NRG1: variants seen among roughly 807,000 people sequenced by gnomAD.
NRG1 encodes the protein neuregulin 1.
A neutral mutation model predicts 63.8 loss-of-function variants in NRG1; 18 were observed. That is an observed-to-expected ratio of 0.28 (90% CI 0.19 to 0.42). The LOEUF (loss-of-function observed/expected upper bound fraction) is 0.42. Ranked by LOEUF, NRG1 falls within the 10% of genes least tolerant of loss-of-function variation. NRG1 has a pLI of 1.00. For synonymous variants in NRG1, 302 were observed against 301.3 expected (o/e 1.00, Z -0.02); for missense variants, 762 against 814.7 (o/e 0.94, Z 0.79).
Position 32,086,683 on chromosome 8 carries a change from G to A in NRG1, c.37+447252G>A, listed in dbSNP as rs146645811. ...AAGTAGATTGAAGAACACATAATACGGATAGTGATTAGGAACATTCAGGCA... is the reference window on the plus strand; with the variant it reads ...AAGTAGATTGAAGAACACATAATACAGATAGTGATTAGGAACATTCAGGCA... On this transcript the variant is annotated intron_variant, in intron 1 of 10. Transcript: ENST00000519301. Among the ~76,000 whole-genome samples, 404 of 152,222 alleles carry A rather than the reference G, an allele frequency of 2.7e-3. 4 individuals carry two copies. Among genetic ancestry groups the A allele is most frequent in the African/African-American group, 9.2e-3 (382 of 41,534 alleles).
At chr8:31,689,766 A>C (rs1233305370) in intron 1 of NRG1, among the ~76,000 whole-genome samples, 2 of 152,232 alleles carry the variant, frequency 1.3e-5, no homozygotes, top group East Asian at 3.9e-4. Context: ...AAAACCAATA[A>C]AAATTTCACT....
intron 1 of NRG1, among the ~76,000 whole-genome samples, chr8:32,373,073 T>C (rs1587165450): frequency 6.6e-6 from 1 of 152,098 alleles, no homozygotes; most frequent in East Asian, 1.9e-4. Flanking sequence ...TTGGGGTGTG[T>C]GTCAGTGTAG....
At chr8:32,002,468 GTTCCAGCTTTGGCCACTGAC>G (rs1317835203) in intron 1 of NRG1, among the ~76,000 whole-genome samples, 6 of 151,654 alleles carry the variant, frequency 4.0e-5, no homozygotes, top group African/African-American at 1.5e-4. Context: ...TGCTTAAATT[GTTCCAGCTTTGGCCACTGAC>G]TTCTGTGCCC....
intron 1 of NRG1, among the ~76,000 whole-genome samples, chr8:32,136,427 A>G (rs1035929653): frequency 1.3e-5 from 2 of 152,168 alleles, no homozygotes; most frequent in Admixed American, 1.3e-4. Flanking sequence ...GTCCCCTGCT[A>G]GCATCCATGA....
intron 1 of NRG1, among the ~76,000 whole-genome samples, chr8:31,923,128 CT>C (rs1834048543): frequency 1.3e-5 from 2 of 152,052 alleles, no homozygotes; most frequent in Non-Finnish European, 2.9e-5. Flanking sequence ...TTTAGTCTCT[CT>C]TTTCTTTTTT....
rs150999490 is a variant in NRG1 at position 32,313,240 on chromosome 8, T to C, written c.38-282588T>C. On this transcript the variant is annotated intron_variant, in intron 1 of 10. Transcript: ENST00000519301. ...TTCTAAGAGTTGATATTGCTGTAGA[T>C]GTTGGGAATGGAATCTTAGGAGTAA... Among the ~76,000 whole-genome samples the C allele has an allele frequency of 3.3e-5, 5 of 152,280 alleles. No individual in the cohort carries two copies. In the East Asian group the frequency reaches 9.7e-4, roughly 29 times the overall value.
chr8:32,002,561 A>G (rs1813105223), intron 1 of NRG1, among the ~76,000 whole-genome samples: 1 of 151,800 alleles, frequency 6.6e-6, no homozygotes, highest in African/African-American at 2.4e-5. Flanking sequence ...TTCTGGAACG[A>G]CATGATTCTC....
At chr8:32,432,033 T>C (rs1350108934) in intron 1 of NRG1, among the ~76,000 whole-genome samples, 1 of 152,132 alleles carries the variant, frequency 6.6e-6, no homozygotes, top group African/African-American at 2.4e-5. Flanking sequence ...TAATAGAATA[T>C]AAGCAACTAA....
At chr8:31,930,914 G>A (rs1013365566) in intron 1 of NRG1, among the ~76,000 whole-genome samples, 1 of 152,174 alleles carries the variant, frequency 6.6e-6, no homozygotes, top group African/African-American at 2.4e-5. Flanking sequence ...TGTTTCTCCA[G>A]ATGTTACAGG....
chr8:32,590,435 C>T (rs1455136023), intron 1 of NRG1, among the ~76,000 whole-genome samples: 4 of 152,126 alleles, frequency 2.6e-5, no homozygotes, highest in Admixed American at 2.6e-4. Context: ...CTCGGAACAC[C>T]TCCTGCATTT....
At chr8:32,255,599 C>G (rs1376163917) in intron 1 of NRG1, among the ~76,000 whole-genome samples, 2 of 152,184 alleles carry the variant, frequency 1.3e-5, no homozygotes, top group Non-Finnish European at 2.9e-5. Flanking sequence ...ATGGGCTTCT[C>G]TTTGTGGGCA....
chr8:31,818,941 C>G (rs1358361228), intron 1 of NRG1, among the ~76,000 whole-genome samples: 1 of 152,114 alleles, frequency 6.6e-6, no homozygotes, highest in Non-Finnish European at 1.5e-5. Flanking sequence ...GTAGTCCCAG[C>G]TACTCGGGAG....
intron 1 of NRG1, among the ~76,000 whole-genome samples, chr8:31,675,645 A>C (rs962525484): frequency 1.3e-5 from 2 of 152,170 alleles, no homozygotes; most frequent in African/African-American, 4.8e-5. Flanking sequence ...ACTGGGCATC[A>C]TTGTACATGA....
intron 1 of NRG1, among the ~76,000 whole-genome samples, chr8:32,010,501 AAGT>A (rs1249822215): frequency 1.3e-5 from 2 of 152,092 alleles, no homozygotes; most frequent in Non-Finnish European, 2.9e-5. Flanking sequence ...AACTTCAGGC[AAGT>A]GGAACACATA....
In NRG1 at chr8:32,511,367, GTATATATA is replaced by G. The variant is rs202038797; in HGVS notation, c.38-84436_38-84429del. Among the ~76,000 whole-genome samples the G allele has an allele frequency of 8.3e-4, 101 of 122,080 alleles. 2 individuals carry two copies. Among genetic ancestry groups the G allele is most frequent in the Middle Eastern group, 4.3e-3 (1 of 232 alleles). The allele number at this position is 122,080 out of a possible 152,430, so 80.1% of individuals were successfully genotyped here. On this transcript the variant is annotated intron_variant, in intron 1 of 10. Transcript: ENST00000519301. The stretch of plus-strand genomic sequence containing the variant: ...TGTGTCTGTCTGTCGATATATATGT[GTATATATA>G]TATATATATATATATATATATATAA...
rs117046239 is a variant in NRG1 at position 31,808,625 on chromosome 8, G to A, written c.37+169194G>A. Reference sequence around the variant, plus strand: ...CAAAATTTGCTTCTTTTTATGATTTGTCTCATAGTTATTGTTAAAGTTTTG... The same window carrying A: ...CAAAATTTGCTTCTTTTTATGATTTATCTCATAGTTATTGTTAAAGTTTTG... On this transcript the variant is annotated intron_variant, in intron 1 of 10. Transcript: ENST00000519301. 3.9e-3 allele frequency among the ~76,000 whole-genome samples: 583 copies of A among 151,106 alleles called. 1 individual carries two copies. Among genetic ancestry groups the A allele is most frequent in the Middle Eastern group, 0.021 (6 of 288 alleles).
At chr8:32,096,342 T>C (rs1390541585) in intron 1 of NRG1, among the ~76,000 whole-genome samples, 1 of 152,254 alleles carries the variant, frequency 6.6e-6, no homozygotes, top group Non-Finnish European at 1.5e-5. Context: ...ACATGTGATA[T>C]TTTGATATAC....
intron 1 of NRG1, among the ~76,000 whole-genome samples, chr8:32,502,827 A>T (rs945749291): frequency 1.3e-5 from 2 of 152,190 alleles, no homozygotes; most frequent in Non-Finnish European, 2.9e-5. Context: ...ATAAACAATC[A>T]TAAACTGTCA....
At chr8:32,491,733 C>T (rs982223378) in intron 1 of NRG1, among the ~76,000 whole-genome samples, 1 of 152,188 alleles carries the variant, frequency 6.6e-6, no homozygotes, top group Non-Finnish European at 1.5e-5. Flanking sequence ...GTGTGGAGTG[C>T]CCACTTGCAC....
Sources: gnomAD v4.1 joint callset for allele counts (sites outside exome capture counted in the v4.1 genomes callset) on GRCh38, gnomAD v4.1.1 for gene constraint, MANE v1.5 for transcripts, NCBI Gene and HGNC (gene_info 2026-07-23, HGNC 2026-07-21) for gene names.